Variants in AEN observed in about 807,000 individuals in gnomAD.
AEN encodes apoptosis-enhancing nuclease.
Under a neutral mutation model 17.7 loss-of-function variants are expected in AEN, and 21 were observed. The ratio of observed to expected loss-of-function variants is 1.19; its 90% CI spans 0.84 to 1.71. The LOEUF is 1.71. Ranked by LOEUF, AEN falls within the 40% of genes most tolerant of loss-of-function variation. AEN has a pLI of 0.00. For synonymous variants in AEN, 190 were observed against 173.0 expected, an observed-to-expected ratio of 1.10 and a Z score of -0.77; for missense variants, 462 against 435.9, an observed-to-expected ratio of 1.06 and a Z score of -0.53.
chr15:88,631,328 C>T lies in AEN; in HGVS notation c.*1034C>T, dbSNP rs115947402. On this transcript the variant is annotated 3_prime_UTR_variant, in exon 4 of 4. Coordinates refer to ENST00000332810, the MANE Select transcript of AEN (RefSeq NM_022767.4). ...TGCCCCCGAACCTGGTCTGATGCCC[C>T]CTCAGCTCTTTGACAATCACTGTGG... 0.021 allele frequency: 6,286 copies of T among 300,424 alleles called. 157 individuals carry two copies. Among genetic ancestry groups the T allele is most frequent in the African/African-American group, 0.063 (2,918 of 46,322 alleles). The allele number at this position is 300,424 out of a possible 1,614,324, so 18.6% of individuals were successfully genotyped here. A position where few individuals can be genotyped will look rare whatever the true frequency, so the allele number is the denominator to read the frequency against.
chr15:88,631,023 C>T lies in AEN; in HGVS notation c.*729C>T. 2.3e-6 allele frequency: 1 copy of T among 441,762 alleles called. No homozygotes were observed. Among genetic ancestry groups the T allele is most frequent in the South Asian group, 1.6e-5 (1 of 63,744 alleles). The allele number at this position is 441,762 out of a possible 1,614,324, so 27.4% of individuals were successfully genotyped here. On this transcript the variant is annotated 3_prime_UTR_variant, in exon 4 of 4. Coordinates refer to ENST00000332810, the MANE Select transcript of AEN (RefSeq NM_022767.4). ...TGGCAACAGAAAGCCCCAGGCACAG[C>T]TCAGGGAGGAGGGAAGGCAGGTAAG...
In AEN at chr15:88,623,169, A is replaced by G. The variant is rs78288441; in HGVS notation, c.-65+1787A>G. ...TGGGCTGAGGCAGATTAAGGTTCTG[A>G]ATTTGTCAGTTCTAAGATGTGACTG... On this transcript the variant is annotated intron_variant, in intron 1 of 3. Coordinates refer to ENST00000332810, the MANE Select transcript of AEN (RefSeq NM_022767.4). 7.6e-3 allele frequency among the ~76,000 whole-genome samples: 1,150 copies of G among 152,282 alleles called. 8 individuals are homozygous for G. Among genetic ancestry groups the G allele is most frequent in the South Asian group, 0.026 (126 of 4,826 alleles).
the AEN span, among the ~76,000 whole-genome samples, chr15:88,610,349 C>A: frequency 6.7e-6 from 1 of 148,974 alleles, no homozygotes; most frequent in Non-Finnish European, 1.5e-5. Context: ...GACCACACAT[C>A]CATCTCTGTT....
Position 88,631,278 on chromosome 15 carries a change from C to G in AEN, c.*984C>G. ...GGCTGGGGCAGGGCATTGGCAGTTA[C>G]GCAGTGGCCCTGAACCTGGTCTGGT... On this transcript the variant is annotated 3_prime_UTR_variant, in exon 4 of 4. Transcript: ENST00000332810. 1 of 411,410 alleles carries G rather than the reference C, an allele frequency of 2.4e-6. No individual in the cohort carries two copies. Among genetic ancestry groups the G allele is most frequent in the South Asian group, 1.7e-5 (1 of 60,364 alleles). The allele number at this position is 411,410 out of a possible 1,614,324, so 25.5% of individuals were successfully genotyped here.
rs750467909 is a variant in AEN, at chr15:88,626,315, C to A, written c.106C>A (p.Gln36Lys). The change falls in exon 2 of 4, where the codon CAG (glutamine) becomes AAG (lysine). Residue 36 changes from glutamine (Q) to lysine (K), a missense_variant. Physicochemically the swap from Gln to Lys is moderately conservative, Grantham distance 53. Coordinates refer to ENST00000332810, the MANE Select transcript of AEN (RefSeq NM_022767.4). ...GAAGAGGCACAAGAGAAGGAGCCGA[C>A]AGCACCAGCGGTTCATGGCCCGGAA... ...LRKRHKRRSR[Q>K]HQRFMARKAL... 4 of 1,613,570 alleles carry A rather than the reference C, an allele frequency of 2.5e-6. No homozygotes were observed. The South Asian group carries it at 3.3e-5, about 13-fold the overall frequency.
At position 88,630,274 on chromosome 15, in the gene AEN, G is replaced by A. The variant is rs1160353151; in HGVS notation, c.958G>A (p.Ala320Thr). The A allele has an allele frequency of 6.3e-7, 1 of 1,585,632 alleles. No homozygotes were observed. The highest frequency in any genetic ancestry group is 8.6e-7 in the Non-Finnish European group (1 of 1,166,270). ...AHGSRGGARE[A>T]QDRRN ...CGGCAGCAGAGGAGGAGCCAGGGAG[G>A]CACAGGACAGAAGGAATTGAGAAGG... Residue 320 changes from alanine to threonine, a missense_variant, in exon 4 of 4, where the codon GCA becomes ACA. Ala to Thr is a moderately conservative substitution (Grantham distance 58). Coordinates refer to ENST00000332810, the MANE Select transcript of AEN (RefSeq NM_022767.4). This position sits in a 1 kb window ranked among gnomAD's most constrained non-coding sequence, Gnocchi z 5.1.
At chr15:88,617,394 T>C (rs1743310694), upstream of AEN, among the ~76,000 whole-genome samples, 3 of 152,116 alleles carry the variant, frequency 2.0e-5, no homozygotes, top group South Asian at 6.2e-4. Flanking sequence ...GCTGGGATTA[T>C]AGGTGCCCAC....
chr15:88,608,819 G>C, the AEN span, among the ~76,000 whole-genome samples: 4 of 152,324 alleles, frequency 2.6e-5, no homozygotes, highest in East Asian at 5.8e-4. Context: ...CTGACTCATC[G>C]CTTCCCAGGA....
At chr15:88,620,889 C>T (rs1001011801), upstream of AEN, among the ~76,000 whole-genome samples, 2 of 152,206 alleles carry the variant, frequency 1.3e-5, no homozygotes, top group African/African-American at 4.8e-5. Flanking sequence ...GGAAACCTGA[C>T]TTTCAAAGTC....
At chr15:88,622,203 C>A (rs545725947) in intron 1 of AEN, among the ~76,000 whole-genome samples, 1,948 of 152,282 alleles carry the variant, frequency 0.013, 33 homozygotes, top group African/African-American at 0.038. Context: ...GGCCAGACCC[C>A]CTCCCTGCCT....
At chr15:88,615,222 G>A in the AEN span, among the ~76,000 whole-genome samples, 16 of 152,248 alleles carry the variant, frequency 1.1e-4, no homozygotes, top group Admixed American at 2.0e-4. Flanking sequence ...ACTGAATGAA[G>A]GATTAATTTT....
At chr15:88,605,360 G>C in the AEN span, among the ~76,000 whole-genome samples, 32 of 152,182 alleles carry the variant, frequency 2.1e-4, no homozygotes, top group African/African-American at 6.5e-4. This position sits in a 1 kb window ranked among gnomAD's most constrained non-coding sequence, Gnocchi z 7.6. Flanking sequence ...CTCCTCCCGC[G>C]CTTCTCGCCC....
chr15:88,630,184 C>T lies in AEN; in HGVS notation c.868C>T (p.Pro290Ser). The change falls in exon 4 of 4, where the codon CCT becomes TCT. Residue 290 changes from proline to serine, a missense_variant. Coordinates refer to ENST00000332810, the MANE Select transcript of AEN (RefSeq NM_022767.4). This position sits in a 1 kb window ranked among gnomAD's most constrained non-coding sequence, Gnocchi z 5.1. The part of the protein sequence containing the change: ...SLWTCPEDRE[P>S]DSSTDMEQYM... Reference sequence around the variant, plus strand: ...CTGGACCTGCCCCGAGGACAGAGAACCTGACAGCAGCACAGACATGGAACA... The same window carrying T: ...CTGGACCTGCCCCGAGGACAGAGAATCTGACAGCAGCACAGACATGGAACA... 6.2e-7 allele frequency: 1 copy of T among 1,613,442 alleles called. No homozygotes were observed. The highest frequency in any genetic ancestry group is 8.5e-7 in the Non-Finnish European group (1 of 1,179,744).
rs566082438 is a variant in AEN at position 88,631,298 on chromosome 15, T to C, written c.*1004T>C. 47 of 380,860 alleles carry C rather than the reference T, an allele frequency of 1.2e-4. No individual in the cohort carries two copies. Among genetic ancestry groups the C allele is most frequent in the African/African-American group, 9.0e-4 (44 of 48,784 alleles). 23.6% of individuals were successfully genotyped at this position (380,860 alleles called of 1,614,324 possible). ...AGTTACGCAGTGGCCCTGAACCTGG[T>C]CTGGTGCCCCCGAACCTGGTCTGAT... On this transcript the variant is annotated 3_prime_UTR_variant, in exon 4 of 4. Coordinates refer to ENST00000332810, the MANE Select transcript of AEN (RefSeq NM_022767.4).
At chr15:88,617,076 ATAT>A (rs2057744487), upstream of AEN, among the ~76,000 whole-genome samples, 1 of 152,314 alleles carries the variant, frequency 6.6e-6, no homozygotes, top group African/African-American at 2.4e-5. Context: ...TTTGATACAA[ATAT>A]TATTCATTTT....
intron 1 of AEN, among the ~76,000 whole-genome samples, chr15:88,621,978 A>G (rs781231206): frequency 3.8e-4 from 58 of 152,118 alleles, no homozygotes; most frequent in Non-Finnish European, 2.4e-4. Context: ...ACATTTGGGA[A>G]GCCCTTATCT....
At chr15:88,629,090 C>G (rs897387406) in intron 2 of AEN, 136 bp from the exon 3 acceptor site, 11 of 836,538 alleles carry the variant, frequency 1.3e-5, no homozygotes, top group Non-Finnish European at 2.1e-5. Flanking sequence ...GACTGTGGAG[C>G]TCGTGATCTC....
chr15:88,626,961 A>G (rs2057863060), intron 2 of AEN: 1 of 589,580 alleles, frequency 1.7e-6, no homozygotes, highest in Non-Finnish European at 3.0e-6. Context: ...CCTGTTGCAC[A>G]GGACAATGTA....
rs1278146552 is a variant in AEN at position 88,629,218 on chromosome 15, G to T, written c.541-8G>T. On this transcript the variant is annotated splice_polypyrimidine_tract_variant and splice_region_variant and intron_variant, in intron 2 of 3. Transcript: ENST00000332810. Reference sequence around the variant, plus strand: ...GGTGACCTCCCTGACTCCTCTTTCTGCTCACAGATCCTTAAGCTCCTGAAG... The same window carrying T: ...GGTGACCTCCCTGACTCCTCTTTCTTCTCACAGATCCTTAAGCTCCTGAAG... 2 of 1,613,706 alleles carry T rather than the reference G, an allele frequency of 1.2e-6. No individual in the cohort carries two copies. Among genetic ancestry groups the T allele is most frequent in the East Asian group, 2.2e-5 (1 of 44,868 alleles).
Sources: gnomAD v4.1 joint callset for allele counts (sites outside exome capture counted in the v4.1 genomes callset) on GRCh38, gnomAD v4.1.1 for gene constraint, Gnocchi (gnomAD v3.1) non-coding constraint, MANE v1.5 for transcripts, NCBI Gene and HGNC (gene_info 2026-07-23, HGNC 2026-07-21) for gene names.